Variants in POPDC3 observed in about 807,000 individuals in gnomAD.
POPDC3 encodes popeye domain-containing protein 3.
Under a neutral mutation model 28.2 loss-of-function variants are expected in POPDC3, and 20 were observed. That is an observed-to-expected ratio of 0.71 (90% CI 0.50 to 1.03). POPDC3 has a LOEUF of 1.03. Ranked by LOEUF, POPDC3 falls within the 50% of genes least tolerant of loss-of-function variation. The probability of loss-of-function intolerance (pLI) is 0.00; values close to 1 mark genes in which losing one functional copy is unlikely to be tolerated. For missense variants in POPDC3, 316 were observed against 345.9 expected, an observed-to-expected ratio of 0.91 and a Z score of 0.69; for synonymous variants, 118 against 124.1, an observed-to-expected ratio of 0.95 and a Z score of 0.33.
chr6:105,158,722 T>G lies in POPDC3; in HGVS notation c.624A>C (p.Arg208=). ...QVTLTAETDC[R]YVSWRRKKLY... is the part of the protein sequence containing the mutation. ...ATTTCTTTCTCCTCCAAGACACATATCGACAATCAGTTTCTGCAGTGAGGG... is the reference window on the plus strand; with the variant it reads ...ATTTCTTTCTCCTCCAAGACACATAGCGACAATCAGTTTCTGCAGTGAGGG... Residue 208 remains arginine, a synonymous_variant, in exon 4 of 4, where the codon CGA becomes CGC. Coordinates refer to ENST00000254765, the MANE Select transcript of POPDC3 (RefSeq NM_022361.5). The G allele has an allele frequency of 6.2e-7, 1 of 1,613,342 alleles. No individual in the cohort carries two copies. The highest frequency in any genetic ancestry group is 1.7e-4 in the Middle Eastern group (1 of 6,060).
At chr6:105,175,594 G>A (rs1396669560) in intron 1 of POPDC3, among the ~76,000 whole-genome samples, 1 of 151,950 alleles carries the variant, frequency 6.6e-6, no homozygotes, top group East Asian at 1.9e-4. Context: ...TGTAATCCCA[G>A]CACTTTGGGA....
In POPDC3 at chr6:105,161,736, C is replaced by A. The variant is rs756534310; in HGVS notation, c.174G>T (p.Gly58=). The A allele has an allele frequency of 5.6e-6, 9 of 1,614,028 alleles. No homozygotes were observed. The highest frequency in any genetic ancestry group is 7.6e-6 in the Non-Finnish European group (9 of 1,180,040). The change falls in exon 2 of 4, where the codon GGG becomes GGT. Residue 58 remains glycine, a synonymous_variant. Transcript: ENST00000254765. ...FGLLYVFSLL[G]LGFLCSAVWA... ...AGACAGCAGAACAGAGAAAACCCAACCCCAGCAAACTGAAGACATAAAGGA... is the reference window on the plus strand; with the variant it reads ...AGACAGCAGAACAGAGAAAACCCAAACCCAGCAAACTGAAGACATAAAGGA...
In POPDC3 at chr6:105,162,000, T is replaced by G; in HGVS notation, c.-91A>C. 1 of 1,514,724 alleles carries G rather than the reference T, an allele frequency of 6.6e-7. No homozygotes were observed. 93.8% of individuals were successfully genotyped at this position (1,514,724 alleles called of 1,614,324 possible). On this transcript the variant is annotated 5_prime_UTR_variant, in exon 2 of 4. Coordinates refer to ENST00000254765, the MANE Select transcript of POPDC3 (RefSeq NM_022361.5). ...CCTTTGGTTCTCCATCATGAGAGTT[T>G]TGTGCAGTCTTCACAAAACCAGAGA...
intron 1 of POPDC3, among the ~76,000 whole-genome samples, chr6:105,166,930 G>GTA (rs1276789577): frequency 5.9e-5 from 9 of 151,644 alleles, no homozygotes; most frequent in Admixed American, 1.3e-4. Context: ...CATTGTGTGT[G>GTA]TGTATATATA....
intron 1 of POPDC3, among the ~76,000 whole-genome samples, chr6:105,175,859 AAG>A (rs1774673882): frequency 1.3e-5 from 2 of 152,164 alleles, no homozygotes; most frequent in South Asian, 4.1e-4. Flanking sequence ...TAAATAAAGA[AAG>A]AAAGAATAAA....
intron 1 of POPDC3, chr6:105,179,335 A>C: frequency 2.3e-6 from 2 of 855,836 alleles, no homozygotes; most frequent in Non-Finnish European, 2.8e-6. Context: ...TTGCTTACAG[A>C]CCGGGGGCGG....
intron 1 of POPDC3, among the ~76,000 whole-genome samples, chr6:105,167,367 A>G (rs1030516630): frequency 5.9e-5 from 9 of 152,242 alleles, no homozygotes; most frequent in Non-Finnish European, 1.2e-4. Context: ...GGTCAATGCT[A>G]AATAAAAACT....
At chr6:105,175,644 C>T (rs1200586766) in intron 1 of POPDC3, among the ~76,000 whole-genome samples, 2 of 151,996 alleles carry the variant, frequency 1.3e-5, no homozygotes, top group African/African-American at 2.4e-5. Flanking sequence ...GAGTTTGACA[C>T]TAGCTTGGGC....
At position 105,162,048 on chromosome 6, in the gene POPDC3, T is replaced by C. The variant is rs1562152298; in HGVS notation, c.-139A>G. 1 of 1,485,616 alleles carries C rather than the reference T, an allele frequency of 6.7e-7. No homozygotes were observed. Among genetic ancestry groups the C allele is most frequent in the South Asian group, 1.5e-5 (1 of 68,614 alleles). 92.0% of individuals were successfully genotyped at this position (1,485,616 alleles called of 1,614,324 possible). A position where few individuals can be genotyped will look rare whatever the true frequency, so the allele number is the denominator to read the frequency against. ...AGAAAACGGACACTGGAGTTGATGC[T>C]GATTAAAGGCTTCGTGTGTACGGAT... is the stretch of plus-strand genomic sequence containing the variant. On this transcript the variant is annotated 5_prime_UTR_variant, in exon 2 of 4. Coordinates refer to ENST00000254765, the MANE Select transcript of POPDC3 (RefSeq NM_022361.5).
At chr6:105,177,151 CA>C in intron 1 of POPDC3, 1 of 196,006 alleles carries the variant, frequency 5.1e-6, no homozygotes, top group Non-Finnish European at 9.3e-6. Context: ...ATATTCCACA[CA>C]AAAAATTGAA....
chr6:105,168,783 G>T (rs532663375), intron 1 of POPDC3: 1 of 152,360 alleles, frequency 6.6e-6, no homozygotes, highest in Admixed American at 6.5e-5. Flanking sequence ...CAGAGTGATT[G>T]ATGTGCTCCT....
In POPDC3 at chr6:105,158,178, A is replaced by G; in HGVS notation, c.*292T>C. On this transcript the variant is annotated 3_prime_UTR_variant, in exon 4 of 4. Transcript: ENST00000254765. ...GACAATGCATTTGAGTAAATGTGAG[A>G]AAAGAATTGAGAAAGTGGAATTTCA... 3.1e-6 allele frequency: 1 copy of G among 324,766 alleles called. No individual in the cohort carries two copies. Among genetic ancestry groups the G allele is most frequent in the East Asian group, 5.7e-5 (1 of 17,686 alleles). The allele number at this position is 324,766 out of a possible 1,614,324, so 20.1% of individuals were successfully genotyped here.
In POPDC3 at chr6:105,161,524, A is replaced by G. The variant is rs975857000; in HGVS notation, c.386T>C (p.Ile129Thr). 53 of 1,614,086 alleles carry G rather than the reference A, an allele frequency of 3.3e-5. No homozygotes were observed. The highest frequency in any genetic ancestry group is 4.3e-5 in the Non-Finnish European group (51 of 1,180,040). The change falls in exon 2 of 4, where the codon ATT becomes ACT. Residue 129 changes from isoleucine (I) to threonine (T), a missense_variant. Transcript: ENST00000254765. ...LGISLPVFRT[I>T]ALSSEVVTLE... ...AGTAACCACTTCAGAGCTCAAAGCA[A>G]TCGTTCTGAAGACAGGCAAAGAGAT...
chr6:105,163,853 C>A (rs1189558620), intron 1 of POPDC3: 1 of 152,032 alleles, frequency 6.6e-6, no homozygotes, highest in East Asian at 1.9e-4. Context: ...TTTTCAAATA[C>A]ATTTCAAACA....
intron 1 of POPDC3, among the ~76,000 whole-genome samples, chr6:105,173,436 G>A (rs1774620950): frequency 6.6e-6 from 1 of 152,160 alleles, no homozygotes; most frequent in Non-Finnish European, 1.5e-5. Flanking sequence ...CACCCCTCCT[G>A]CATCTTGAAT....
intron 1 of POPDC3, among the ~76,000 whole-genome samples, 163 bp downstream of exon 1, chr6:105,179,670 G>C (rs1774745599): frequency 6.6e-6 from 1 of 152,126 alleles, no homozygotes. Context: ...GCCGGGAAGG[G>C]AGCGGCGCGG....
chr6:105,175,552 T>A (rs560726328), intron 1 of POPDC3, among the ~76,000 whole-genome samples: 1 of 147,542 alleles, frequency 6.8e-6, no homozygotes, highest in East Asian at 2.0e-4. Context: ...ATTAAAAAAA[T>A]AAAAAATAGG....
rs1774327218 is a variant in POPDC3 at position 105,161,475 on chromosome 6, G to A, written c.435C>T (p.Ala145=). 1.2e-6 allele frequency: 2 copies of A among 1,614,074 alleles called. No homozygotes were observed. The highest frequency in any genetic ancestry group is 1.1e-5 in the South Asian group (1 of 91,068). The change falls in exon 2 of 4, where the codon GCC becomes GCT. Residue 145 remains alanine, a synonymous_variant. Coordinates refer to ENST00000254765, the MANE Select transcript of POPDC3 (RefSeq NM_022361.5). ...TATCAATGGAAGTTTTCCCCTGCAT[G>A]GCATAACAGTGTTCCTTTTCCAAAG... ...VVTLEKEHCY[A]MQGKTSIDKL...
At chr6:105,161,376 C>T (rs1774322724) in intron 2 of POPDC3, 49 bp downstream of exon 2, 1 of 1,562,214 alleles carries the variant, frequency 6.4e-7, no homozygotes, top group Non-Finnish European at 8.6e-7. Flanking sequence ...GAAAGAAACA[C>T]AAACAACTAA....
Sources: allele counts gnomAD v4.1 joint callset (sites outside exome capture counted in the v4.1 genomes callset), GRCh38; gene constraint gnomAD v4.1.1; transcripts MANE v1.5; gene names NCBI Gene and HGNC (gene_info 2026-07-23, HGNC 2026-07-21).